Variants in VPS41 observed in about 807,000 individuals in gnomAD.
The protein encoded by VPS41 is vacuolar protein sorting-associated protein 41 homolog.
VPS41 carries 85 observed loss-of-function variants against 130.9 expected under a neutral mutation model. The ratio of observed to expected loss-of-function variants is 0.65; its 90% CI spans 0.55 to 0.78. VPS41 has a LOEUF of 0.78. Ranked by LOEUF, VPS41 falls within the 30% of genes least tolerant of loss-of-function variation. VPS41 has a pLI of 0.00. For synonymous variants in VPS41, 335 were observed against 332.9 expected, an observed-to-expected ratio of 1.01 and a Z score of -0.07; for missense variants, 874 against 1,018.7, an observed-to-expected ratio of 0.86 and a Z score of 1.93.
chr7:38,789,708 G>A, intron 10 of VPS41, 93 bp downstream of exon 10: 2 of 1,285,154 alleles, frequency 1.6e-6, no homozygotes, highest in Non-Finnish European at 2.3e-6. Flanking sequence ...CAGGGATCCA[G>A]GCAAAAGACT....
At chr7:38,775,355 G>A (rs1215591425) in intron 11 of VPS41, 2 of 152,088 alleles carry the variant, frequency 1.3e-5, no homozygotes, top group Non-Finnish European at 2.9e-5. Flanking sequence ...TTTTCTACGT[G>A]CTCTATGAGG....
chr7:38,806,187 T>C (rs1784835437), intron 7 of VPS41, among the ~76,000 whole-genome samples: 1 of 152,236 alleles, frequency 6.6e-6, no homozygotes, highest in South Asian at 2.1e-4. Flanking sequence ...GTAAGTTTTC[T>C]GGAATACAAT....
intron 24 of VPS41, 144 bp from the exon 25 acceptor site, chr7:38,742,265 T>A: frequency 1.4e-6 from 1 of 736,362 alleles, no homozygotes; most frequent in Non-Finnish European, 2.1e-6. Flanking sequence ...GTTAAAACCA[T>A]TTGAATTTCT....
At chr7:38,846,571 C>T (rs1248890968) in intron 4 of VPS41, among the ~76,000 whole-genome samples, 1 of 152,146 alleles carries the variant, frequency 6.6e-6, no homozygotes, top group East Asian at 1.9e-4. Context: ...CCTAGAAGAG[C>T]TGTTTTATTC....
At chr7:38,799,830 C>T (rs745583171) in intron 7 of VPS41, among the ~76,000 whole-genome samples, 1 of 151,858 alleles carries the variant, frequency 6.6e-6, no homozygotes, top group East Asian at 1.9e-4. Flanking sequence ...CAAAACAATA[C>T]AGCAATGTTT....
At chr7:38,746,774 C>T (rs1795993198) in intron 22 of VPS41, among the ~76,000 whole-genome samples, 1 of 152,184 alleles carries the variant, frequency 6.6e-6, no homozygotes, top group Admixed American at 6.5e-5. Context: ...CAACCTAGCC[C>T]TTAATTTCTG....
rs552561693 is a variant in VPS41 at position 38,824,537 on chromosome 7, C to A, written c.322-3272G>T. Among the ~76,000 whole-genome samples the A allele has an allele frequency of 9.6e-4, 146 of 152,232 alleles. No homozygotes were observed. In the South Asian group the frequency reaches 0.013, roughly 14 times the overall value. On this transcript the variant is annotated intron_variant, in intron 5 of 28. Coordinates refer to ENST00000310301, the MANE Select transcript of VPS41 (RefSeq NM_014396.4). Reference sequence around the variant, plus strand: ...TAAGCAGAAGAGTTAGAACCAGAACCCGGATTTTCTAAATCCTATTCTTCT... The same window carrying A: ...TAAGCAGAAGAGTTAGAACCAGAACACGGATTTTCTAAATCCTATTCTTCT...
chr7:38,860,987 T>A (rs1786097943), intron 4 of VPS41, among the ~76,000 whole-genome samples: 1 of 152,064 alleles, frequency 6.6e-6, no homozygotes, highest in Non-Finnish European at 1.5e-5. Flanking sequence ...GAGAGCTTAA[T>A]TTTCAAAGAT....
At chr7:38,783,275 G>A (rs549412315) in intron 10 of VPS41, among the ~76,000 whole-genome samples, 12 of 152,196 alleles carry the variant, frequency 7.9e-5, no homozygotes, top group Admixed American at 5.2e-4. Flanking sequence ...GGTGGCTCAC[G>A]CTTGTAATCC....
intron 2 of VPS41, among the ~76,000 whole-genome samples, chr7:38,885,991 T>G (rs1237266713): frequency 2.0e-5 from 3 of 151,808 alleles, no homozygotes; most frequent in African/African-American, 7.3e-5. Context: ...ACCCTCTGAA[T>G]GAGAGAGAGA....
chr7:38,898,176 A>G (rs748853677), intron 1 of VPS41, 47 bp from the exon 2 acceptor site: 5 of 1,543,668 alleles, frequency 3.2e-6, no homozygotes, highest in Non-Finnish European at 3.6e-6. Flanking sequence ...TGATAAAAGA[A>G]TAATCATTTG....
At chr7:38,732,251 G>C (rs569776710) in intron 25 of VPS41, among the ~76,000 whole-genome samples, 1 of 152,220 alleles carries the variant, frequency 6.6e-6, no homozygotes, top group East Asian at 1.9e-4. Flanking sequence ...AAATCCAAAG[G>C]ACATTCTTGT....
chr7:38,774,228 G>A lies in VPS41; in HGVS notation c.899C>T (p.Ala300Val), dbSNP rs755096182. The A allele has an allele frequency of 1.9e-5, 31 of 1,595,512 alleles. 1 individual carries two copies. In the South Asian group the frequency reaches 3.2e-4, roughly 16 times the overall value. The change falls in exon 12 of 29, where the codon GCC becomes GTC. Residue 300 changes from alanine to valine, a missense_variant. Physicochemically the swap from Ala to Val is moderately conservative, Grantham distance 64. Coordinates refer to ENST00000310301, the MANE Select transcript of VPS41 (RefSeq NM_014396.4). ...CTGGATGATGTCCAGTCTAGGCCTG[G>A]CACAGTATTCTCTTTCCTAGTGGGG... ...ISEKTEREYC[A>V]RPRLDIIQPL...
intron 2 of VPS41, among the ~76,000 whole-genome samples, chr7:38,887,829 T>C (rs1024686317): frequency 4.6e-5 from 7 of 152,312 alleles, no homozygotes; most frequent in African/African-American, 1.4e-4. Flanking sequence ...ACAGCAGGTC[T>C]CTCTGCAGAA....
intron 8 of VPS41, 30 bp from the exon 9 acceptor site, chr7:38,795,641 C>T (rs933769238): frequency 1.3e-6 from 2 of 1,592,680 alleles, no homozygotes; most frequent in African/African-American, 1.3e-5. Context: ...TAAGCATCCT[C>T]TACTCAGGAG....
chr7:38,794,937 G>A (rs1006576010), intron 9 of VPS41, among the ~76,000 whole-genome samples: 7 of 152,200 alleles, frequency 4.6e-5, no homozygotes, highest in Non-Finnish European at 8.8e-5. Context: ...TTACCCAGGC[G>A]CATAAGGGTC....
At chr7:38,881,234 T>C (rs1294077375) in intron 2 of VPS41, among the ~76,000 whole-genome samples, 2 of 152,176 alleles carry the variant, frequency 1.3e-5, no homozygotes, top group Non-Finnish European at 2.9e-5. Context: ...TCCTCTCCTT[T>C]TCCAGCTTCT....
intron 25 of VPS41, among the ~76,000 whole-genome samples, chr7:38,737,757 C>A (rs1182965507): frequency 1.3e-5 from 2 of 152,152 alleles, no homozygotes; most frequent in Non-Finnish European, 2.9e-5. Flanking sequence ...AGTGTTGTGT[C>A]CATCTTGTAA....
At chr7:38,814,694 A>G (rs1785007096) in intron 7 of VPS41, among the ~76,000 whole-genome samples, 1 of 152,232 alleles carries the variant, frequency 6.6e-6, no homozygotes, top group Admixed American at 6.5e-5. Context: ...CCAACACAGC[A>G]AAATCTCTCC....
Sources: gnomAD v4.1 joint callset for allele counts (sites outside exome capture counted in the v4.1 genomes callset) on GRCh38, gnomAD v4.1.1 for gene constraint, MANE v1.5 for transcripts, NCBI Gene and HGNC (gene_info 2026-07-23, HGNC 2026-07-21) for gene names.